The following ATP13A4 variants were observed in gnomAD, a reference collection of about 807,000 sequenced individuals.
The protein encoded by ATP13A4 is probable cation-transporting ATPase 13A4.
A neutral mutation model predicts 142.5 loss-of-function variants in ATP13A4; 114 were observed. The ratio of observed to expected loss-of-function variants is 0.80; its 90% CI spans 0.69 to 0.93. The LOEUF (loss-of-function observed/expected upper bound fraction) is 0.93. Ranked by LOEUF, ATP13A4 falls within the 40% of genes least tolerant of loss-of-function variation. The pLI is 0.00. For missense variants in ATP13A4, 1,392 were observed against 1,454.0 expected (o/e 0.96, Z 0.69); for synonymous variants, 488 against 514.8 (o/e 0.95, Z 0.70).
intron 1 of ATP13A4, among the ~76,000 whole-genome samples, chr3:193,587,627 G>C (rs1377270066): frequency 6.6e-6 from 1 of 152,140 alleles, no homozygotes; most frequent in East Asian, 1.9e-4. Flanking sequence ...CATTGGGTTT[G>C]TACTCTGAGG....
intron 10 of ATP13A4, 118 bp downstream of exon 10, chr3:193,467,198 A>T: frequency 9.1e-7 from 1 of 1,098,892 alleles, no homozygotes. Flanking sequence ...AAAATTAAAA[A>T]TTAAAAAAAT....
rs1049830574 is a variant in ATP13A4, at chr3:193,580,299, G to T, written n.291+1408C>A. The stretch of plus-strand genomic sequence containing the variant: ...AAACTGGGAGACAGTAAGTCCCATT[G>T]TCCTGGTGGTGTTTGTGAGTTGGAC... On this transcript the variant is annotated intron_variant and non_coding_transcript_variant, in intron 2 of 3. Coordinates refer to the ATP13A4 transcript ENST00000489140. Among the ~76,000 whole-genome samples, 5 of 152,274 alleles carry T rather than the reference G, an allele frequency of 3.3e-5. No homozygotes were observed. The East Asian group carries it at 9.6e-4, about 29-fold the overall frequency.
At chr3:193,519,478 CCATGGCTTGCTATTTCT>C (rs1721597821) in intron 1 of ATP13A4, among the ~76,000 whole-genome samples, 2 of 152,014 alleles carry the variant, frequency 1.3e-5, no homozygotes, top group Non-Finnish European at 2.9e-5. Flanking sequence ...CATGGTCTTC[CCATGGCTTGCTATTTCT>C]CATTCTTTCA....
At chr3:193,410,270 A>C (rs905215427) in intron 28 of ATP13A4, among the ~76,000 whole-genome samples, 1 of 146,452 alleles carries the variant, frequency 6.8e-6, no homozygotes, top group Admixed American at 6.9e-5. Flanking sequence ...AAAGCCGTAA[A>C]AAAATACATA....
At chr3:193,497,639 A>G (rs952885746) in intron 3 of ATP13A4, among the ~76,000 whole-genome samples, 7 of 152,208 alleles carry the variant, frequency 4.6e-5, no homozygotes, top group Admixed American at 2.6e-4. Flanking sequence ...AGTACTATTC[A>G]CAATAACCAA....
At chr3:193,442,959 G>A (rs536877456) in intron 18 of ATP13A4, among the ~76,000 whole-genome samples, 3 of 152,234 alleles carry the variant, frequency 2.0e-5, no homozygotes, top group Admixed American at 2.0e-4. Flanking sequence ...GGAAAACTCT[G>A]AACAAAAACC....
intron 7 of ATP13A4, among the ~76,000 whole-genome samples, chr3:193,484,619 C>T (rs907074089): frequency 5.9e-5 from 9 of 152,026 alleles, no homozygotes; most frequent in South Asian, 2.1e-4. Flanking sequence ...AAATTATTTG[C>T]GAATCTGATA....
chr3:193,578,621 A>G (rs1420424940), intron 2 of ATP13A4, among the ~76,000 whole-genome samples: 1 of 152,166 alleles, frequency 6.6e-6, no homozygotes, highest in Non-Finnish European at 1.5e-5. Flanking sequence ...GTAACTGAGT[A>G]AGGGAGATTT....
At chr3:193,551,212 G>T (rs1470733221) in intron 1 of ATP13A4, among the ~76,000 whole-genome samples, 2 of 152,244 alleles carry the variant, frequency 1.3e-5, no homozygotes, top group Admixed American at 6.5e-5. Context: ...AAGAGATTAA[G>T]ACCATCCTGG....
intron 1 of ATP13A4, among the ~76,000 whole-genome samples, chr3:193,540,676 A>C (rs767505789): frequency 1.3e-5 from 2 of 152,018 alleles, no homozygotes; most frequent in African/African-American, 4.8e-5. Flanking sequence ...ATTAAATACT[A>C]TTATATAGCC....
intron 25 of ATP13A4, among the ~76,000 whole-genome samples, chr3:193,420,916 C>T (rs7428676): frequency 0.72 from 108,006 of 148,980 alleles, 40,734 homozygotes; most frequent in Non-Finnish European, 0.76. Context: ...ATAGGACTTA[C>T]GAAACACCAG....
At chr3:193,435,142 A>G (rs1018774364) in intron 24 of ATP13A4, among the ~76,000 whole-genome samples, 4 of 152,218 alleles carry the variant, frequency 2.6e-5, no homozygotes, top group African/African-American at 9.6e-5. Context: ...ATAGAATCAT[A>G]TGCTACTATA....
At chr3:193,489,362 G>T (rs1018357417) in intron 7 of ATP13A4, among the ~76,000 whole-genome samples, 2 of 152,084 alleles carry the variant, frequency 1.3e-5, no homozygotes, top group Non-Finnish European at 2.9e-5. Flanking sequence ...AACAGCAAAG[G>T]AGTTCATATT....
intron 1 of ATP13A4, among the ~76,000 whole-genome samples, chr3:193,524,684 C>T (rs1412278538): frequency 6.6e-6 from 1 of 152,202 alleles, no homozygotes; most frequent in African/African-American, 2.4e-5. Flanking sequence ...TTTTATTCTA[C>T]AAGTCACTAC....
intron 25 of ATP13A4, among the ~76,000 whole-genome samples, chr3:193,432,848 T>A (rs947779833): frequency 2.6e-5 from 4 of 152,104 alleles, no homozygotes; most frequent in Admixed American, 2.0e-4. Context: ...GAGCAGAGGA[T>A]TTTTAGGGCA....
At chr3:193,505,009 G>C (rs145636743) in intron 2 of ATP13A4, among the ~76,000 whole-genome samples, 1 of 152,124 alleles carries the variant, frequency 6.6e-6, no homozygotes, top group Non-Finnish European at 1.5e-5. Context: ...TCTCCATTTT[G>C]CAGATGAGAA....
At chr3:193,457,243 A>G (rs1717674678) in intron 15 of ATP13A4, 90 bp from the exon 16 acceptor site, 1 of 1,586,874 alleles carries the variant, frequency 6.3e-7, no homozygotes, top group African/African-American at 1.3e-5. Context: ...ATTCATTTTA[A>G]CAAATAAGGG....
chr3:193,541,928 C>T (rs1053629074), intron 1 of ATP13A4, among the ~76,000 whole-genome samples: 2 of 152,112 alleles, frequency 1.3e-5, no homozygotes. Context: ...TATCAGAGGG[C>T]TCCTTGTGAA....
chr3:193,544,768 G>A (rs753561624), intron 1 of ATP13A4, among the ~76,000 whole-genome samples: 1 of 152,162 alleles, frequency 6.6e-6, no homozygotes, highest in Non-Finnish European at 1.5e-5. Flanking sequence ...AAACTAATAA[G>A]TACTGTGTGG....
Sources: gnomAD v4.1 joint callset for allele counts (sites outside exome capture counted in the v4.1 genomes callset) on GRCh38, gnomAD v4.1.1 for gene constraint, MANE v1.5 for transcripts, NCBI Gene and HGNC (gene_info 2026-07-23, HGNC 2026-07-21) for gene names.